Variants in PBX1 observed in about 807,000 individuals in gnomAD.
PBX1 encodes the protein pre-B-cell leukemia transcription factor 1.
Under a neutral mutation model 53.4 loss-of-function variants are expected in PBX1, and 6 were observed. The observed-to-expected ratio is 0.11, with a 90% confidence interval of 0.06 to 0.22. PBX1 has a LOEUF of 0.22. Ranked by LOEUF, PBX1 falls within the 10% of genes least tolerant of loss-of-function variation. The pLI, the probability that PBX1 is intolerant of heterozygous loss-of-function variation, is 1.00. For synonymous variants in PBX1, 204 were observed against 212.3 expected, an observed-to-expected ratio of 0.96 and a Z score of 0.34; for missense variants, 251 against 551.4, an observed-to-expected ratio of 0.46 and a Z score of 5.46.
At chr1:164,749,598 C>T (rs1031896845) in intron 2 of PBX1, among the ~76,000 whole-genome samples, 1 of 152,038 alleles carries the variant, frequency 6.6e-6, no homozygotes, top group Admixed American at 6.6e-5. Context: ...CATGATTAAC[C>T]CACTGTTATT....
intron 2 of PBX1, among the ~76,000 whole-genome samples, chr1:164,709,028 C>G (rs1663602576): frequency 6.6e-6 from 1 of 152,140 alleles, no homozygotes; most frequent in South Asian, 2.1e-4. Flanking sequence ...CGGAGACACC[C>G]CAGCAAATCA....
intron 2 of PBX1, among the ~76,000 whole-genome samples, chr1:164,679,809 C>T (rs1661647292): frequency 6.6e-6 from 1 of 152,138 alleles, no homozygotes; most frequent in African/African-American, 2.4e-5. Context: ...TTTATAACTA[C>T]CCTGTGAAAT....
chr1:164,735,014 G>A (rs1310687891), intron 2 of PBX1, among the ~76,000 whole-genome samples: 1 of 152,180 alleles, frequency 6.6e-6, no homozygotes, highest in Non-Finnish European at 1.5e-5. Context: ...AAAATTTAAT[G>A]TAAATGCTTA....
At chr1:164,787,546 G>T (rs551865169) in intron 2 of PBX1, 1 of 152,244 alleles carries the variant, frequency 6.6e-6, no homozygotes, top group Non-Finnish European at 1.5e-5. Flanking sequence ...CTCAGCCAAG[G>T]ACAAAACAAC....
chr1:164,839,933 A>G (rs1403995543), intron 8 of PBX1, among the ~76,000 whole-genome samples: 1 of 151,922 alleles, frequency 6.6e-6, no homozygotes, highest in East Asian at 1.9e-4. Context: ...CTGGCAGTCA[A>G]AGGACTATGG....
At chr1:164,723,005 T>C (rs1281567455) in intron 2 of PBX1, among the ~76,000 whole-genome samples, 1 of 152,158 alleles carries the variant, frequency 6.6e-6, no homozygotes, top group Admixed American at 6.5e-5. Flanking sequence ...TGGTGAACTT[T>C]CTATACAGAG....
intron 2 of PBX1, among the ~76,000 whole-genome samples, chr1:164,748,245 G>T (rs553484390): frequency 6.6e-6 from 1 of 152,184 alleles, no homozygotes; most frequent in African/African-American, 2.4e-5. Flanking sequence ...TACAAAAGGT[G>T]TGTGTGTCTC....
In PBX1 at chr1:164,623,295, C is replaced by T. The variant is rs540800461; in HGVS notation, c.265+59984C>T. Among the ~76,000 whole-genome samples, 64 of 152,298 alleles carry T rather than the reference C, an allele frequency of 4.2e-4. 2 individuals carry two copies. The South Asian group carries it at 4.8e-3, about 11-fold the overall frequency. ...AAGGGCCTGATAGGGAATCGAAGAA[C>T]GTCACCCCCAGGTAATTGCCCACAG... On this transcript the variant is annotated intron_variant, in intron 2 of 8. Transcript: ENST00000420696.
chr1:164,752,997 G>A (rs922615189), intron 2 of PBX1, among the ~76,000 whole-genome samples: 1 of 152,168 alleles, frequency 6.6e-6, no homozygotes, highest in Admixed American at 6.5e-5. Flanking sequence ...AACCTGGAAG[G>A]GTTGTGGAGA....
At chr1:164,585,846 C>G (rs1335593661) in intron 2 of PBX1, among the ~76,000 whole-genome samples, 1 of 152,166 alleles carries the variant, frequency 6.6e-6, no homozygotes, top group African/African-American at 2.4e-5. Flanking sequence ...ATGGGAAGTC[C>G]TTTCTTAAAC....
chr1:164,671,098 A>G (rs1661087830), intron 2 of PBX1, among the ~76,000 whole-genome samples: 1 of 152,176 alleles, frequency 6.6e-6, no homozygotes, highest in South Asian at 2.1e-4. Flanking sequence ...AATGGTGGGA[A>G]CAGATTTCAG....
intron 3 of PBX1, 116 bp downstream of exon 3, chr1:164,792,854 G>C (rs1668589744): frequency 1.3e-6 from 1 of 782,712 alleles, no homozygotes; most frequent in East Asian, 2.7e-5. Flanking sequence ...TGGCATCCCT[G>C]TGCCCGGCAT....
chr1:164,685,084 G>A (rs985794807), intron 2 of PBX1: 1 of 152,152 alleles, frequency 6.6e-6, no homozygotes, highest in African/African-American at 2.4e-5. Flanking sequence ...ACTTCCTCAA[G>A]GACACAGGAT....
chr1:164,687,993 A>T (rs1300903869), intron 2 of PBX1, among the ~76,000 whole-genome samples: 1 of 152,158 alleles, frequency 6.6e-6, no homozygotes, highest in East Asian at 1.9e-4. Context: ...TGCCCAAGAT[A>T]CCACACATGC....
At chr1:164,711,388 C>T (rs1269816212) in intron 2 of PBX1, among the ~76,000 whole-genome samples, 5 of 152,150 alleles carry the variant, frequency 3.3e-5, no homozygotes, top group African/African-American at 2.4e-5. Flanking sequence ...CTCAGCCTCC[C>T]GAGTAGCTGG....
At chr1:164,800,297 G>A (rs535338997) in intron 4 of PBX1, among the ~76,000 whole-genome samples, 1 of 152,290 alleles carries the variant, frequency 6.6e-6, no homozygotes, top group East Asian at 1.9e-4. Context: ...TTTCCACACT[G>A]TAGATGGACA....
intron 2 of PBX1, among the ~76,000 whole-genome samples, chr1:164,858,404 G>A (rs1247125432): frequency 6.6e-6 from 1 of 151,688 alleles, no homozygotes; most frequent in Non-Finnish European, 1.5e-5. Context: ...ATTCCTTTGT[G>A]TCAGTTCACT....
chr1:164,635,602 A>G (rs1658718414), intron 2 of PBX1, among the ~76,000 whole-genome samples: 2 of 152,178 alleles, frequency 1.3e-5, no homozygotes, highest in Non-Finnish European at 2.9e-5. Context: ...TCGTCTCGCC[A>G]CGCTTTTCAC....
chr1:164,770,252 C>T (rs886612873), intron 2 of PBX1: 1 of 152,214 alleles, frequency 6.6e-6, no homozygotes, highest in African/African-American at 2.4e-5. Context: ...CCCATCTCTG[C>T]TCTTTATAGA....
Sources: gnomAD v4.1 joint callset for allele counts (sites outside exome capture counted in the v4.1 genomes callset) on GRCh38, gnomAD v4.1.1 for gene constraint, MANE v1.5 for transcripts, NCBI Gene and HGNC (gene_info 2026-07-23, HGNC 2026-07-21) for gene names.